Variants in ABCD3 observed in about 807,000 individuals in gnomAD.
The protein encoded by ABCD3 is ATP binding cassette subfamily D member 3.
ABCD3 carries 41 observed loss-of-function variants against 105.5 expected under a neutral mutation model. That is an observed-to-expected ratio of 0.39 (90% CI 0.30 to 0.50). The LOEUF is 0.50. Among genes scored for constraint, ABCD3 ranks in the 20% least tolerant of loss-of-function variants. The pLI, the probability that ABCD3 is intolerant of heterozygous loss-of-function variation, is 0.84. For missense variants in ABCD3, 622 were observed against 806.3 expected, an observed-to-expected ratio of 0.77 and a Z score of 2.77; for synonymous variants, 258 against 269.0, an observed-to-expected ratio of 0.96 and a Z score of 0.40.
At chr1:94,407,276 G>A in the ABCD3 span, among the ~76,000 whole-genome samples, 7 of 151,960 alleles carry the variant, frequency 4.6e-5, no homozygotes, top group Non-Finnish European at 1.0e-4. Context: ...TCAGCCTCCC[G>A]AGTAGCTGGA....
intron 4 of ABCD3, 149 bp downstream of exon 4, chr1:94,468,156 A>G (rs936083215): frequency 1.8e-5 from 13 of 721,272 alleles, no homozygotes; most frequent in Admixed American, 1.6e-4. Context: ...CTTAAAAAAT[A>G]CTTAGTGTTT....
intron 20 of ABCD3, 93 bp downstream of exon 20, chr1:94,499,707 T>C: frequency 6.7e-7 from 1 of 1,494,950 alleles, no homozygotes; most frequent in Middle Eastern, 1.7e-4. Flanking sequence ...ATTTTTTTAT[T>C]CAGCAGCTGT....
chr1:94,447,686 A>G lies in ABCD3; in HGVS notation c.111-10921A>G, dbSNP rs146177716. On this transcript the variant is annotated intron_variant, in intron 1 of 22. Coordinates refer to ENST00000370214, the MANE Select transcript of ABCD3 (RefSeq NM_002858.4). ...CCCCCTATCGAGAAACATTACCCCA[A>G]TGTTATGATCACTTGCAAAATTCAG... Among the ~76,000 whole-genome samples the G allele has an allele frequency of 7.2e-4, 109 of 152,306 alleles. 1 individual carries two copies. Among genetic ancestry groups the G allele is most frequent in the South Asian group, 1.4e-3 (7 of 4,830 alleles).
At chr1:94,425,959 AG>A (rs1246431744) in intron 1 of ABCD3, among the ~76,000 whole-genome samples, 1 of 152,216 alleles carries the variant, frequency 6.6e-6, no homozygotes, top group African/African-American at 2.4e-5. Context: ...TCAGTAGAAC[AG>A]GGATAGTAGT....
At chr1:94,424,283 T>TTCAA (rs1659382373) in intron 1 of ABCD3, among the ~76,000 whole-genome samples, 1 of 152,154 alleles carries the variant, frequency 6.6e-6, no homozygotes, top group African/African-American at 2.4e-5. Flanking sequence ...GGCATTCTAT[T>TTCAA]TCAAGGCTTT....
At chr1:94,510,987 T>G (rs556519141) in intron 21 of ABCD3, among the ~76,000 whole-genome samples, 1 of 152,120 alleles carries the variant, frequency 6.6e-6, no homozygotes, top group African/African-American at 2.4e-5. Context: ...TTTAGTCCAT[T>G]TACATTTAAA....
intron 21 of ABCD3, 21 bp from the exon 22 acceptor site, chr1:94,515,125 A>T (rs1650861344): frequency 6.3e-7 from 1 of 1,591,186 alleles, no homozygotes. Context: ...CATTAAACCT[A>T]AATCATTTTC....
At chr1:94,470,931 A>G (rs938855903) in intron 4 of ABCD3, among the ~76,000 whole-genome samples, 3 of 152,112 alleles carry the variant, frequency 2.0e-5, no homozygotes, top group Non-Finnish European at 4.4e-5. Context: ...TTAAGTTTTT[A>G]ATGTGTTTTT....
intron 1 of ABCD3, chr1:94,419,428 AAAG>A (rs1260946870): frequency 4.6e-6 from 4 of 872,780 alleles, no homozygotes; most frequent in Non-Finnish European, 5.5e-6. Context: ...AAAAAGTAAA[AAAG>A]AGAGAGCTGA....
chr1:94,404,949 A>C, the ABCD3 span, among the ~76,000 whole-genome samples: 1 of 151,638 alleles, frequency 6.6e-6, no homozygotes, highest in Non-Finnish European at 1.5e-5. Context: ...AAAAAAAAAA[A>C]AAGAAAAAAA....
the ABCD3 span, among the ~76,000 whole-genome samples, chr1:94,408,027 C>G: frequency 1.3e-5 from 2 of 152,286 alleles, no homozygotes; most frequent in South Asian, 2.1e-4. Flanking sequence ...GCCCATGAAG[C>G]CTGAAATATT....
At chr1:94,516,652 G>C (rs1650934625) in intron 22 of ABCD3, among the ~76,000 whole-genome samples, 2 of 151,884 alleles carry the variant, frequency 1.3e-5, no homozygotes. Context: ...AACTCAGAAA[G>C]CTTTCTGAAA....
intron 1 of ABCD3, among the ~76,000 whole-genome samples, chr1:94,429,832 C>A (rs1749540): frequency 0.043 from 6,590 of 152,286 alleles, 543 homozygotes; most frequent in African/African-American, 0.15. Context: ...CACACAGAAT[C>A]CCTGCTGGGG....
intron 3 of ABCD3, among the ~76,000 whole-genome samples, chr1:94,465,517 G>A (rs532643319): frequency 1.6e-4 from 25 of 151,996 alleles, no homozygotes; most frequent in Admixed American, 1.2e-3. Context: ...AAATGCTAGG[G>A]TACTGCCATA....
chr1:94,469,471 G>T (rs1648332747), intron 4 of ABCD3, among the ~76,000 whole-genome samples: 2 of 147,398 alleles, frequency 1.4e-5, no homozygotes, highest in Middle Eastern at 3.6e-3. Context: ...TTACAAATTG[G>T]CAGTTATTTG....
In ABCD3 at chr1:94,518,352, A is replaced by G. The variant is rs536665540; in HGVS notation, c.*1223A>G. ...GGGCATTTTGTACTCTTGTTTTTGC[A>G]TAACTGGTTTTGTTTTTTTGCAGAA... On this transcript the variant is annotated 3_prime_UTR_variant, in exon 23 of 23. Transcript: ENST00000370214. 5 of 152,354 alleles carry G rather than the reference A, an allele frequency of 3.3e-5. No individual in the cohort carries two copies. Among genetic ancestry groups the G allele is most frequent in the East Asian group, 1.9e-4 (1 of 5,182 alleles). 9.4% of individuals were successfully genotyped at this position (152,354 alleles called of 1,614,324 possible).
intron 18 of ABCD3, 22 bp from the exon 19 acceptor site, chr1:94,498,923 A>T: frequency 6.2e-7 from 1 of 1,611,704 alleles, no homozygotes; most frequent in Non-Finnish European, 8.5e-7. Context: ...CTTCTAATTG[A>T]CTTTTGCTCT....
chr1:94,437,343 T>G (rs1659945041), intron 1 of ABCD3, among the ~76,000 whole-genome samples: 1 of 152,200 alleles, frequency 6.6e-6, no homozygotes, highest in Admixed American at 6.5e-5. Flanking sequence ...AGCAAGCAAT[T>G]TTAAGTTGAA....
At chr1:94,390,681 T>A in the ABCD3 span, among the ~76,000 whole-genome samples, 81 of 152,280 alleles carry the variant, frequency 5.3e-4, no homozygotes, top group African/African-American at 1.9e-3. Flanking sequence ...CTTAGACATA[T>A]TAACTTGGCT....
Sources: allele counts gnomAD v4.1 joint callset (sites outside exome capture counted in the v4.1 genomes callset), GRCh38; gene constraint gnomAD v4.1.1; transcripts MANE v1.5; gene names NCBI Gene and HGNC (gene_info 2026-07-23, HGNC 2026-07-21).